The following ZNF654 variants were observed in gnomAD, a reference collection of about 807,000 sequenced individuals.
ZNF654 encodes zinc finger protein 654, also known as melanoma-associated antigen.
A neutral mutation model predicts 95.3 loss-of-function variants in ZNF654; 19 were observed. That is an observed-to-expected ratio of 0.20 (90% CI 0.14 to 0.29). The LOEUF (loss-of-function observed/expected upper bound fraction) is 0.29, where lower values mean the gene tolerates loss of function less well. Among genes scored for constraint, ZNF654 ranks in the 10% least tolerant of loss-of-function variants. ZNF654 has a pLI of 1.00. For missense variants in ZNF654, 1,046 were observed against 1,341.0 expected (o/e 0.78, Z 3.44); for synonymous variants, 413 against 457.9 (o/e 0.90, Z 1.25).
At chr3:88,087,156 G>T (rs1014040038) in intron 2 of ZNF654, among the ~76,000 whole-genome samples, 20 of 152,076 alleles carry the variant, frequency 1.3e-4, no homozygotes. Flanking sequence ...TTGGTTCACC[G>T]CAACCTCTAC....
intron 1 of ZNF654, among the ~76,000 whole-genome samples, chr3:88,060,094 A>G (rs1318896855): frequency 6.6e-6 from 1 of 151,990 alleles, no homozygotes; most frequent in African/African-American, 2.4e-5. Flanking sequence ...TCGGACAGAG[A>G]GTGCGTTAAG....
intron 1 of ZNF654, among the ~76,000 whole-genome samples, chr3:88,079,163 T>A (rs1475020664): frequency 6.6e-6 from 1 of 152,114 alleles, no homozygotes; most frequent in Non-Finnish European, 1.5e-5. Flanking sequence ...TACATTAATA[T>A]TATCATCGAG....
Position 88,144,544 on chromosome 3 carries a change from T to C in ZNF654, c.*2892T>C. 1 of 152,402 alleles carries C rather than the reference T, an allele frequency of 6.6e-6. No homozygotes were observed. The highest frequency in any genetic ancestry group is 1.9e-4 in the East Asian group (1 of 5,200). The allele number at this position is 152,402 out of a possible 1,614,324, so 9.4% of individuals were successfully genotyped here. On this transcript the variant is annotated 3_prime_UTR_variant, in exon 9 of 9. Transcript: ENST00000636215. ...TTAAATTATTTTACTTTGCATTTTA[T>C]AAGAGTACAAATTAAAACTGAGCCA...
At chr3:88,060,550 G>T (rs1706814344) in intron 1 of ZNF654, among the ~76,000 whole-genome samples, 1 of 152,080 alleles carries the variant, frequency 6.6e-6, no homozygotes. Context: ...GGTGTATAGG[G>T]TTCAGATTCT....
intron 3 of ZNF654, among the ~76,000 whole-genome samples, chr3:88,120,776 A>C (rs1482972612): frequency 6.7e-6 from 1 of 148,796 alleles, no homozygotes; most frequent in African/African-American, 2.5e-5. Flanking sequence ...AACTAAAATA[A>C]TGTTTTAAAT....
intron 2 of ZNF654, among the ~76,000 whole-genome samples, chr3:88,108,987 G>C (rs934533177): frequency 6.6e-6 from 1 of 152,148 alleles, no homozygotes; most frequent in East Asian, 1.9e-4. Flanking sequence ...AAGGTGCTTA[G>C]TTAAGATGGA....
At chr3:88,102,854 T>C (rs2107724484) in intron 2 of ZNF654, among the ~76,000 whole-genome samples, 1 of 147,556 alleles carries the variant, frequency 6.8e-6, no homozygotes, top group East Asian at 2.0e-4. Context: ...TTTCAACTTG[T>C]AGTTTAGATT....
chr3:88,107,319 G>T (rs1272268874), intron 2 of ZNF654, among the ~76,000 whole-genome samples: 1 of 152,086 alleles, frequency 6.6e-6, no homozygotes. Flanking sequence ...ACTTCAAATT[G>T]TCAAAATTCG....
At chr3:88,073,888 A>G (rs1707650264) in intron 1 of ZNF654, among the ~76,000 whole-genome samples, 1 of 152,226 alleles carries the variant, frequency 6.6e-6, no homozygotes, top group Non-Finnish European at 1.5e-5. Context: ...TAAAACTCAT[A>G]ATTTATTTTC....
intron 1 of ZNF654, among the ~76,000 whole-genome samples, chr3:88,081,130 TTTG>T (rs2107645593): frequency 6.6e-6 from 1 of 152,296 alleles, no homozygotes; most frequent in East Asian, 1.9e-4. Flanking sequence ...TTGTCTGATG[TTTG>T]TTTTCTCGTG....
intron 2 of ZNF654, among the ~76,000 whole-genome samples, chr3:88,089,335 C>A (rs1407821165): frequency 6.6e-6 from 1 of 150,760 alleles, no homozygotes; most frequent in Non-Finnish European, 1.5e-5. Flanking sequence ...ACTAAAAATA[C>A]AAAAAATTAG....
At chr3:88,126,016 C>T (rs995710563) in intron 3 of ZNF654, 118 bp from the exon 4 acceptor site, 5 of 1,129,290 alleles carry the variant, frequency 4.4e-6, no homozygotes, top group Non-Finnish European at 6.0e-6. Flanking sequence ...GTAACCCTTT[C>T]TCTTTTATAA....
intron 6 of ZNF654, among the ~76,000 whole-genome samples, chr3:88,132,206 TA>T (rs1176111322): frequency 2.6e-5 from 4 of 152,102 alleles, no homozygotes; most frequent in African/African-American, 9.7e-5. Context: ...TCTGCTATAT[TA>T]AAATTACTTA....
intron 1 of ZNF654, among the ~76,000 whole-genome samples, chr3:88,081,557 T>C (rs779234605): frequency 6.6e-6 from 1 of 152,234 alleles, no homozygotes; most frequent in Non-Finnish European, 1.5e-5. Flanking sequence ...ATTATTTGTA[T>C]CAGTATGGAC....
chr3:88,125,481 A>G (rs1260925771), intron 3 of ZNF654, among the ~76,000 whole-genome samples: 1 of 144,434 alleles, frequency 6.9e-6, no homozygotes, highest in Non-Finnish European at 1.5e-5. Context: ...ACTATTGCCC[A>G]ACTTAACAAT....
intron 2 of ZNF654, among the ~76,000 whole-genome samples, chr3:88,092,536 C>G (rs2107683174): frequency 6.6e-6 from 1 of 152,138 alleles, no homozygotes; most frequent in South Asian, 2.1e-4. Context: ...GATGAAGGAG[C>G]AGAAGAGCCT....
At chr3:88,115,261 G>C (rs1029227013) in intron 3 of ZNF654, among the ~76,000 whole-genome samples, 1 of 152,138 alleles carries the variant, frequency 6.6e-6, no homozygotes, top group Non-Finnish European at 1.5e-5. Flanking sequence ...TTCTTTGTTG[G>C]ATTTGAGTTA....
chr3:88,132,442 C>G lies in ZNF654; in HGVS notation c.893+2616C>G, dbSNP rs73844885. Among the ~76,000 whole-genome samples the G allele has an allele frequency of 3.0e-3, 462 of 152,218 alleles. 3 individuals are homozygous for G. The highest frequency in any genetic ancestry group is 0.011 in the African/African-American group (445 of 41,536). ...AAAACGTGTATAAGCTTCATTAAAC[C>G]TGCCCTTTTGGTCTTCTAAAAGAAG... On this transcript the variant is annotated intron_variant, in intron 6 of 8. Coordinates refer to ENST00000636215, the MANE Select transcript of ZNF654 (RefSeq NM_001350134.2).
At chr3:88,112,375 A>G (rs1421326500) in intron 2 of ZNF654, among the ~76,000 whole-genome samples, 3 of 152,034 alleles carry the variant, frequency 2.0e-5, no homozygotes, top group East Asian at 1.9e-4. Context: ...CACTTGTACT[A>G]CTTTAGGATT....
Sources: gnomAD v4.1 joint callset for allele counts (sites outside exome capture counted in the v4.1 genomes callset) on GRCh38, gnomAD v4.1.1 for gene constraint, MANE v1.5 for transcripts, NCBI Gene and HGNC (gene_info 2026-07-23, HGNC 2026-07-21) for gene names.